SPRY3: variants seen among roughly 807,000 people sequenced by gnomAD.
SPRY3 encodes the protein protein sprouty homolog 3.
Under a neutral mutation model 20.2 loss-of-function variants are expected in SPRY3, and 15 were observed. That is an observed-to-expected ratio of 0.74 (90% CI 0.50 to 1.14). The LOEUF is 1.14. Among genes scored for constraint, SPRY3 ranks in the 50% most tolerant of loss-of-function variants. The pLI, the probability that SPRY3 is intolerant of heterozygous loss-of-function variation, is 0.00. For synonymous variants in SPRY3, 143 were observed against 136.5 expected, an observed-to-expected ratio of 1.05 and a Z score of -0.33; for missense variants, 364 against 363.9, an observed-to-expected ratio of 1.00 and a Z score of 0.00.
exon 4 of SPRY3, chrX:155,775,338 T>C (rs1378350186): frequency 5.9e-6 from 1 of 169,088 alleles, no homozygotes; most frequent in Non-Finnish European, 1.4e-5. Flanking sequence ...CCCTCCTTCT[T>C]TTTCAGACTG....
chrX:155,700,269 A>G (rs1569562685), intron 2 of SPRY3, among the ~76,000 whole-genome samples: 2 of 96,594 alleles, frequency 2.1e-5, no homozygotes, highest in Admixed American at 1.1e-4. Flanking sequence ...TATGATGACT[A>G]TTATTAAAAA....
At chrX:155,765,769 A>G (rs2091324212) in intron 2 of SPRY3, among the ~76,000 whole-genome samples, 2 of 152,210 alleles carry the variant, frequency 1.3e-5, no homozygotes, top group Non-Finnish European at 2.9e-5. Flanking sequence ...ACTTTAAAAC[A>G]TAAAAGGGCT....
intron 2 of SPRY3, among the ~76,000 whole-genome samples, chrX:155,664,924 A>G (rs1394144694): frequency 3.6e-5 from 4 of 110,156 alleles, no homozygotes; most frequent in Non-Finnish European, 7.6e-5. Flanking sequence ...AAATTTAAAT[A>G]TATTAAAATT....
intron 2 of SPRY3, among the ~76,000 whole-genome samples, chrX:155,680,074 A>G: frequency 9.2e-6 from 1 of 108,743 alleles, no homozygotes; most frequent in Non-Finnish European, 1.9e-5. Flanking sequence ...GCAGGGTTCA[A>G]GATTTTAAAC....
chrX:155,679,697 G>GGGA (rs1392762845), intron 2 of SPRY3, among the ~76,000 whole-genome samples: 1 of 111,640 alleles, frequency 9.0e-6, no homozygotes, highest in African/African-American at 3.3e-5. Flanking sequence ...ATATAGTGAG[G>GGGA]GGAGATAGTC....
At chrX:155,711,292 T>G (rs1336835201) in intron 2 of SPRY3, among the ~76,000 whole-genome samples, 1 of 151,820 alleles carries the variant, frequency 6.6e-6, no homozygotes, top group African/African-American at 2.4e-5. Context: ...CCCAAACTTT[T>G]CTTTACTGGG....
At chrX:155,750,110 G>T (rs2091253829) in intron 2 of SPRY3, among the ~76,000 whole-genome samples, 1 of 151,828 alleles carries the variant, frequency 6.6e-6, no homozygotes, top group South Asian at 2.1e-4. Flanking sequence ...AAAAAAGAGT[G>T]AAATCATGTC....
At chrX:155,768,239 G>C (rs1260318548) in intron 3 of SPRY3, 103 bp downstream of exon 2, 1 of 42 alleles carries the variant, frequency 0.024, no homozygotes, top group Non-Finnish European at 0.033. Flanking sequence ...GTGTGCGTGT[G>C]TGTGCCGCGC....
intron 2 of SPRY3, among the ~76,000 whole-genome samples, chrX:155,657,538 C>T (rs1278466161): frequency 8.9e-6 from 1 of 112,337 alleles, no homozygotes; most frequent in East Asian, 2.8e-4. Context: ...TAGTTCTTAG[C>T]TTGCTGGGCT....
At chrX:155,732,251 G>A (rs2091138021) in intron 2 of SPRY3, among the ~76,000 whole-genome samples, 2 of 151,998 alleles carry the variant, frequency 1.3e-5, no homozygotes, top group Non-Finnish European at 2.9e-5. Flanking sequence ...ATTTGCTCCA[G>A]CCTCAAAGAG....
chrX:155,715,030 A>T (rs1316029936), intron 2 of SPRY3, among the ~76,000 whole-genome samples: 1 of 152,264 alleles, frequency 6.6e-6, no homozygotes, highest in African/African-American at 2.4e-5. Flanking sequence ...AGCCTAGGCC[A>T]GTACTTAGGG....
intron 1 of SPRY3, among the ~76,000 whole-genome samples, chrX:155,640,264 G>A (rs1449569372): frequency 8.9e-6 from 1 of 112,199 alleles, no homozygotes; most frequent in Non-Finnish European, 1.9e-5. Context: ...GTATGTTAAT[G>A]TATTATATAC....
intron 1 of SPRY3, among the ~76,000 whole-genome samples, chrX:155,616,220 C>T (rs2067853627): frequency 9.4e-6 from 1 of 106,166 alleles, no homozygotes; most frequent in Non-Finnish European, 1.9e-5. Context: ...CTCTCAAGCT[C>T]TTTTTGTTTC....
At chrX:155,696,090 G>A in intron 2 of SPRY3, among the ~76,000 whole-genome samples, 1 of 110,519 alleles carries the variant, frequency 9.0e-6, no homozygotes, top group Non-Finnish European at 1.9e-5. Flanking sequence ...GAATGCTGAT[G>A]TTTTGTTGTC....
intron 2 of SPRY3, among the ~76,000 whole-genome samples, chrX:155,688,347 T>C (rs2068093869): frequency 9.0e-6 from 1 of 110,587 alleles, no homozygotes; most frequent in Admixed American, 9.6e-5. Flanking sequence ...AATGAACATA[T>C]GCATGCATAT....
At chrX:155,635,085 G>A (rs2098868) in intron 1 of SPRY3, among the ~76,000 whole-genome samples, 3,138 of 108,534 alleles carry the variant, frequency 0.029, 108 homozygotes, top group African/African-American at 0.097. Flanking sequence ...CCCCTCCCAT[G>A]TCCATGTGTT....
intron 2 of SPRY3, among the ~76,000 whole-genome samples, chrX:155,751,963 T>TAAAATAA (rs1387180666): frequency 7.5e-6 from 1 of 133,516 alleles, no homozygotes; most frequent in Non-Finnish European, 1.6e-5. Context: ...TAAAATAAAA[T>TAAAATAA]AAAATAAAAT....
At chrX:155,670,390 T>C (rs1557354649) in intron 2 of SPRY3, among the ~76,000 whole-genome samples, 1 of 111,893 alleles carries the variant, frequency 8.9e-6, no homozygotes, top group African/African-American at 3.2e-5. Flanking sequence ...GGGAAGCTTC[T>C]TGCAGTGTCT....
At chrX:155,670,946 A>T (rs1557354686) in intron 2 of SPRY3, among the ~76,000 whole-genome samples, 1 of 111,850 alleles carries the variant, frequency 8.9e-6, no homozygotes, top group Non-Finnish European at 1.9e-5. Context: ...ATCTGTACCA[A>T]TTACTACAGT....
Sources: allele counts gnomAD v4.1 joint callset (sites outside exome capture counted in the v4.1 genomes callset), GRCh38; gene constraint gnomAD v4.1.1; transcripts MANE v1.5; gene names NCBI Gene and HGNC (gene_info 2026-07-23, HGNC 2026-07-21).